Variants in ARB2A observed in about 807,000 individuals in gnomAD.
The protein encoded by ARB2A is ARB2 cotranscriptional regulator A, also known as cotranscriptional regulator ARB2A.
the ARB2A span, among the ~76,000 whole-genome samples, chr5:94,060,619 C>T: frequency 6.6e-6 from 1 of 152,102 alleles, no homozygotes. Context: ...ACAATATCTT[C>T]CAGTAAATAA....
the ARB2A span, chr5:93,781,750 T>C: frequency 3.0e-6 from 1 of 334,468 alleles, no homozygotes; most frequent in Non-Finnish European, 4.3e-6. Flanking sequence ...CTCATTTTGG[T>C]TTTAATTTGC....
At chr5:93,699,117 G>A in the ARB2A span, among the ~76,000 whole-genome samples, 4 of 152,284 alleles carry the variant, frequency 2.6e-5, no homozygotes, top group East Asian at 5.8e-4. Context: ...GTGAAGGAAT[G>A]GAAGTACAGA....
chr5:93,882,963 CA>C, the ARB2A span, among the ~76,000 whole-genome samples: 1 of 151,322 alleles, frequency 6.6e-6, no homozygotes, highest in South Asian at 2.1e-4. Flanking sequence ...CCAAACCAAC[CA>C]TAAGATGATT....
At chr5:93,772,885 C>G in the ARB2A span, among the ~76,000 whole-genome samples, 1 of 152,256 alleles carries the variant, frequency 6.6e-6, no homozygotes, top group Admixed American at 6.5e-5. Flanking sequence ...CCATCATTCA[C>G]TGCTCTTACC....
chr5:93,843,179 T>A, the ARB2A span, among the ~76,000 whole-genome samples: 4 of 152,166 alleles, frequency 2.6e-5, no homozygotes, highest in Non-Finnish European at 5.9e-5. Context: ...TCAAACATAG[T>A]AAGTCCCACC....
chr5:93,985,072 TA>T, the ARB2A span, among the ~76,000 whole-genome samples: 1 of 152,334 alleles, frequency 6.6e-6, no homozygotes, highest in Non-Finnish European at 1.5e-5. Context: ...TACAGTCATA[TA>T]AAATTTTTAT....
chr5:93,686,830 C>T, the ARB2A span, among the ~76,000 whole-genome samples: 1 of 151,706 alleles, frequency 6.6e-6, no homozygotes, highest in Non-Finnish European at 1.5e-5. Context: ...GACAACTCTC[C>T]AAATGTTATC....
the ARB2A span, among the ~76,000 whole-genome samples, chr5:94,043,721 A>G: frequency 6.6e-6 from 1 of 152,192 alleles, no homozygotes; most frequent in Non-Finnish European, 1.5e-5. Context: ...TTGGGACCTC[A>G]AAAGGAGAAT....
chr5:93,956,838 TA>T, the ARB2A span, among the ~76,000 whole-genome samples: 1 of 152,146 alleles, frequency 6.6e-6, no homozygotes, highest in Non-Finnish European at 1.5e-5. Flanking sequence ...GTCAAAGTAG[TA>T]AAATCACTTT....
At chr5:93,655,933 G>C in the ARB2A span, among the ~76,000 whole-genome samples, 3 of 152,128 alleles carry the variant, frequency 2.0e-5, no homozygotes, top group African/African-American at 7.2e-5. Flanking sequence ...TCATTTATTT[G>C]TTTGGGTGTT....
At chr5:93,649,164 AT>A in the ARB2A span, among the ~76,000 whole-genome samples, 1 of 152,130 alleles carries the variant, frequency 6.6e-6, no homozygotes, top group African/African-American at 2.4e-5. Context: ...TTAAAAATGC[AT>A]TATTTTATTA....
chr5:93,894,351 C>T, the ARB2A span, among the ~76,000 whole-genome samples: 2 of 151,802 alleles, frequency 1.3e-5, no homozygotes, highest in Non-Finnish European at 2.9e-5. Flanking sequence ...TTCTTAGCAC[C>T]ATGTTTAATT....
At chr5:93,769,125 A>C in the ARB2A span, among the ~76,000 whole-genome samples, 2 of 152,142 alleles carry the variant, frequency 1.3e-5, no homozygotes, top group Non-Finnish European at 2.9e-5. Context: ...TTGTAATGGG[A>C]AGCAAATCTA....
chr5:94,004,998 CAAA>C, the ARB2A span, among the ~76,000 whole-genome samples: 10 of 12,550 alleles, frequency 8.0e-4, no homozygotes, highest in Admixed American at 2.2e-3. Flanking sequence ...ATTTTATCAG[CAAA>C]AAAAAAAAAA....
chr5:94,063,542 C>T, the ARB2A span, among the ~76,000 whole-genome samples: 1 of 152,152 alleles, frequency 6.6e-6, no homozygotes, highest in Non-Finnish European at 1.5e-5. Flanking sequence ...AGTAAGCCAC[C>T]TAGAGATCCA....
the ARB2A span, among the ~76,000 whole-genome samples, chr5:94,029,616 G>T: frequency 6.6e-6 from 1 of 151,184 alleles, no homozygotes; most frequent in Non-Finnish European, 1.5e-5. Context: ...ATGTCAGGCT[G>T]CTGTATTATC....
chr5:93,656,451 CTG>C, the ARB2A span, among the ~76,000 whole-genome samples: 2 of 152,228 alleles, frequency 1.3e-5, no homozygotes, highest in Admixed American at 1.3e-4. Context: ...ATAATTTTAA[CTG>C]TGTATTTGGT....
chr5:94,012,389 G>A, the ARB2A span, among the ~76,000 whole-genome samples: 11 of 152,300 alleles, frequency 7.2e-5, no homozygotes, highest in East Asian at 1.9e-4. Context: ...AGGACAGAGC[G>A]AGACTCCATC....
chr5:93,724,469 A>G, the ARB2A span, among the ~76,000 whole-genome samples: 2 of 152,202 alleles, frequency 1.3e-5, no homozygotes, highest in East Asian at 3.9e-4. Flanking sequence ...AAAGAAAAAC[A>G]TTGCCAATTA....
Sources: allele counts gnomAD v4.1 joint callset (sites outside exome capture counted in the v4.1 genomes callset), GRCh38; gene constraint gnomAD v4.1.1; transcripts MANE v1.5; gene names NCBI Gene and HGNC (gene_info 2026-07-23, HGNC 2026-07-21).